RASGRF2: variants seen among roughly 807,000 people sequenced by gnomAD.
The protein encoded by RASGRF2 is Ras protein specific guanine nucleotide releasing factor 2.
RASGRF2 carries 76 observed loss-of-function variants against 151.0 expected under a neutral mutation model. That is an observed-to-expected ratio of 0.50 (90% CI 0.42 to 0.61). RASGRF2 has a LOEUF of 0.61. Ranked by LOEUF, RASGRF2 falls within the 20% of genes least tolerant of loss-of-function variation. RASGRF2 has a pLI of 0.00. For missense variants in RASGRF2, 1,148 were observed against 1,564.6 expected (o/e 0.73, Z 4.49); for synonymous variants, 504 against 566.5 (o/e 0.89, Z 1.57).
At chr5:81,003,285 C>G (rs932857835) in intron 1 of RASGRF2, among the ~76,000 whole-genome samples, 6 of 147,110 alleles carry the variant, frequency 4.1e-5, no homozygotes, top group South Asian at 2.2e-4. Context: ...TGCAATGGCG[C>G]GATCTCGGCT....
At chr5:81,046,111 A>G (rs1026007638) in intron 2 of RASGRF2, among the ~76,000 whole-genome samples, 2 of 152,178 alleles carry the variant, frequency 1.3e-5, no homozygotes, top group African/African-American at 4.8e-5. Context: ...TTAGTTTAGC[A>G]TGAGATGTTC....
chr5:81,101,275 A>T (rs1752690541), intron 12 of RASGRF2, among the ~76,000 whole-genome samples: 1 of 152,202 alleles, frequency 6.6e-6, no homozygotes, highest in Non-Finnish European at 1.5e-5. Context: ...TGCTTACATA[A>T]CCATAAATAT....
intron 1 of RASGRF2, among the ~76,000 whole-genome samples, chr5:81,018,265 A>G (rs904662854): frequency 6.6e-6 from 1 of 152,154 alleles, no homozygotes; most frequent in African/African-American, 2.4e-5. Context: ...ATGAAGGAGT[A>G]GAAGTGTGAG....
At chr5:81,139,389 CTTT>C (rs1753829401) in intron 17 of RASGRF2, among the ~76,000 whole-genome samples, 1 of 30,378 alleles carries the variant, frequency 3.3e-5, no homozygotes, top group African/African-American at 5.4e-5. Context: ...CTTTCATTTT[CTTT>C]CTTTCTTTCT....
At chr5:81,200,757 G>A (rs1478131139) in intron 18 of RASGRF2, among the ~76,000 whole-genome samples, 1 of 152,198 alleles carries the variant, frequency 6.6e-6, no homozygotes, top group East Asian at 1.9e-4. Flanking sequence ...ACAAAGAAAA[G>A]CTCCCAATCC....
At chr5:80,982,542 G>A (rs1748335089) in intron 1 of RASGRF2, among the ~76,000 whole-genome samples, 1 of 149,936 alleles carries the variant, frequency 6.7e-6, no homozygotes, top group African/African-American at 2.4e-5. Flanking sequence ...AGATAGAGCT[G>A]TGTGGCTGGG....
At chr5:80,969,866 GC>G (rs1471390709) in intron 1 of RASGRF2, among the ~76,000 whole-genome samples, 1 of 82,132 alleles carries the variant, frequency 1.2e-5, no homozygotes, top group Non-Finnish European at 2.1e-5. Context: ...TGCTCTTGTT[GC>G]CCAGGCTGGA....
chr5:81,217,040 G>C, intron 24 of RASGRF2: 1 of 443,294 alleles, frequency 2.3e-6, no homozygotes, highest in South Asian at 1.7e-5. Context: ...CCTCAAAAAA[G>C]TGTGGGCAGT....
chr5:81,178,802 C>A (rs1413105159), intron 17 of RASGRF2, among the ~76,000 whole-genome samples: 1 of 151,988 alleles, frequency 6.6e-6, no homozygotes, highest in Non-Finnish European at 1.5e-5. Context: ...GCAGTGGCGC[C>A]GTCTTGGCTC....
intron 4 of RASGRF2, among the ~76,000 whole-genome samples, chr5:81,071,886 G>A (rs950974851): frequency 6.6e-6 from 1 of 152,050 alleles, no homozygotes; most frequent in Non-Finnish European, 1.5e-5. Context: ...CCCTGCCCAA[G>A]TAAATAGAAA....
At chr5:81,003,905 G>A (rs1463108546) in intron 1 of RASGRF2, among the ~76,000 whole-genome samples, 1 of 152,162 alleles carries the variant, frequency 6.6e-6, no homozygotes, top group Admixed American at 6.5e-5. Flanking sequence ...AATGTTTACA[G>A]TTGTGTTAGA....
chr5:81,163,109 C>T (rs906164498), intron 17 of RASGRF2, among the ~76,000 whole-genome samples: 5 of 152,070 alleles, frequency 3.3e-5, no homozygotes, highest in Non-Finnish European at 5.9e-5. Flanking sequence ...GCTGCCTCTG[C>T]GGAGGCTGCC....
chr5:81,173,112 C>T lies in RASGRF2; in HGVS notation c.2687-7063C>T, dbSNP rs183022811. On this transcript the variant is annotated intron_variant, in intron 17 of 26. Coordinates refer to ENST00000265080, the MANE Select transcript of RASGRF2 (RefSeq NM_006909.3). ...AGCAGTTAGGCCGGGCGCAGTGGCT[C>T]ATGCCTGTAATCCTAGCACTTTGGG... Among the ~76,000 whole-genome samples the T allele has an allele frequency of 4.6e-5, 7 of 152,272 alleles. No homozygotes were observed. In the East Asian group the frequency reaches 1.4e-3, roughly 29 times the overall value.
At chr5:81,120,274 C>G (rs1753270092) in intron 15 of RASGRF2, among the ~76,000 whole-genome samples, 4 of 152,114 alleles carry the variant, frequency 2.6e-5, no homozygotes, top group Admixed American at 2.0e-4. Flanking sequence ...CAGGGTACAA[C>G]TACATTAAAA....
intron 26 of RASGRF2, among the ~76,000 whole-genome samples, chr5:81,221,752 G>A (rs1018795026): frequency 3.9e-5 from 6 of 152,118 alleles, no homozygotes; most frequent in African/African-American, 7.2e-5. Flanking sequence ...CAAGGCAGCC[G>A]GATTACCTGA....
intron 2 of RASGRF2, among the ~76,000 whole-genome samples, chr5:81,051,589 G>A (rs1751013763): frequency 6.6e-6 from 1 of 152,130 alleles, no homozygotes; most frequent in Non-Finnish European, 1.5e-5. Context: ...CAAACATTTT[G>A]TGTCTGATTT....
intron 17 of RASGRF2, among the ~76,000 whole-genome samples, chr5:81,145,062 G>A (rs1561230122): frequency 6.6e-6 from 1 of 152,102 alleles, no homozygotes; most frequent in Non-Finnish European, 1.5e-5. Context: ...GACCAACATG[G>A]AGAAACCCAG....
intron 1 of RASGRF2, among the ~76,000 whole-genome samples, chr5:81,040,042 G>A (rs1485616460): frequency 6.6e-6 from 1 of 152,078 alleles, no homozygotes; most frequent in Non-Finnish European, 1.5e-5. Context: ...TGTTGCCCAG[G>A]CTAGACTGCA....
At chr5:80,977,684 T>G (rs1004613091) in intron 1 of RASGRF2, among the ~76,000 whole-genome samples, 1 of 152,204 alleles carries the variant, frequency 6.6e-6, no homozygotes, top group African/African-American at 2.4e-5. Context: ...CTCGAACTAC[T>G]GACCTCAGGT....
Sources: gnomAD v4.1 joint callset for allele counts (sites outside exome capture counted in the v4.1 genomes callset) on GRCh38, gnomAD v4.1.1 for gene constraint, MANE v1.5 for transcripts, NCBI Gene and HGNC (gene_info 2026-07-23, HGNC 2026-07-21) for gene names.